DEAF1: variants seen among roughly 807,000 people sequenced by gnomAD.
DEAF1 encodes the protein deformed epidermal autoregulatory factor 1 homolog.
Under a neutral mutation model 58.9 loss-of-function variants are expected in DEAF1, and 53 were observed. The observed-to-expected ratio is 0.90, with a 90% CI of 0.72 to 1.13. The LOEUF (loss-of-function observed/expected upper bound fraction) is 1.13, where lower values mean the gene tolerates loss of function less well. DEAF1 is among the 50% of genes most tolerant of loss of function. DEAF1 has a pLI of 0.00. For missense variants in DEAF1, 685 were observed against 791.4 expected (o/e 0.87, Z 1.61); for synonymous variants, 385 against 340.4 (o/e 1.13, Z -1.44).
intron 1 of DEAF1, chr11:702,921 C>T (rs1363947732): frequency 1.3e-6 from 2 of 1,558,722 alleles, no homozygotes; most frequent in Non-Finnish European, 1.7e-6. Context: ...CACCACCTTC[C>T]CTCCCCTTTG....
chr11:689,394 G>A (rs1259304324), intron 2 of DEAF1, among the ~76,000 whole-genome samples: 3 of 146,524 alleles, frequency 2.0e-5, no homozygotes, highest in African/African-American at 7.5e-5. Context: ...TTTTTTTTTA[G>A]TAGAGATGGG....
At chr11:700,388 G>A (rs1267138675) in intron 1 of DEAF1, among the ~76,000 whole-genome samples, 4 of 151,990 alleles carry the variant, frequency 2.6e-5, no homozygotes, top group South Asian at 2.1e-4. Flanking sequence ...GTAGCCGGGC[G>A]TGGTGGTGGG....
intron 9 of DEAF1, chr11:678,452 G>A (rs746149939): frequency 1.9e-5 from 9 of 471,802 alleles, no homozygotes; most frequent in African/African-American, 4.0e-5. Flanking sequence ...TTCTAGGGGC[G>A]TGCCCTGCTG....
intron 10 of DEAF1, among the ~76,000 whole-genome samples, chr11:655,076 A>C (rs927046021): frequency 1.3e-5 from 2 of 148,394 alleles, no homozygotes; most frequent in Non-Finnish European, 3.0e-5. Flanking sequence ...AACAAACAAA[A>C]ACAAAGGGAA....
chr11:657,186 G>A (rs1369561365), intron 10 of DEAF1, among the ~76,000 whole-genome samples: 3 of 152,008 alleles, frequency 2.0e-5, no homozygotes, highest in Non-Finnish European at 4.4e-5. Flanking sequence ...TCCCTGCCTG[G>A]CACCCAGGCC....
intron 11 of DEAF1, among the ~76,000 whole-genome samples, chr11:652,720 CAA>C (rs1300325987): frequency 6.6e-6 from 1 of 151,916 alleles, no homozygotes; most frequent in Non-Finnish European, 1.5e-5. Context: ...CAACATGAAA[CAA>C]AGACATCACA....
intron 10 of DEAF1, 118 bp downstream of exon 10, chr11:674,418 G>A: frequency 1.4e-6 from 2 of 1,392,842 alleles, no homozygotes; most frequent in Non-Finnish European, 2.0e-6. Flanking sequence ...CCCTTTTCCA[G>A]AAAGGTGGGG....
chr11:671,519 G>T (rs1362450937), intron 10 of DEAF1, among the ~76,000 whole-genome samples: 1 of 151,778 alleles, frequency 6.6e-6, no homozygotes, highest in East Asian at 1.9e-4. Context: ...ACTGTGCCCA[G>T]TGAAAAAGTA....
At chr11:704,577 GC>G (rs1564965143) in intron 1 of DEAF1, 1 of 1,287,000 alleles carries the variant, frequency 7.8e-7, no homozygotes, top group Non-Finnish European at 1.0e-6. Context: ...GGAGGACCCA[GC>G]CCACAAACCA....
At chr11:686,680 C>A (rs1453591393) in intron 5 of DEAF1, among the ~76,000 whole-genome samples, 178 bp downstream of exon 5, 2 of 152,204 alleles carry the variant, frequency 1.3e-5, no homozygotes, top group Admixed American at 6.5e-5. Flanking sequence ...ACGTGAAAGA[C>A]CCGGAAACTG....
intron 7 of DEAF1, among the ~76,000 whole-genome samples, chr11:680,655 C>A (rs1327987149): frequency 1.3e-5 from 2 of 152,164 alleles, no homozygotes; most frequent in Admixed American, 6.5e-5. Context: ...TCACCAAGGA[C>A]GCCCTTGTCA....
intron 10 of DEAF1, among the ~76,000 whole-genome samples, chr11:655,442 C>G (rs1858994606): frequency 6.6e-6 from 1 of 152,278 alleles, no homozygotes; most frequent in South Asian, 2.1e-4. Context: ...CAGTTGTGAG[C>G]TCCGCCGTCA....
intron 10 of DEAF1, among the ~76,000 whole-genome samples, chr11:660,681 G>A (rs1213034428): frequency 2.0e-5 from 3 of 152,240 alleles, no homozygotes; most frequent in Non-Finnish European, 4.4e-5. Flanking sequence ...GGTCCAGTCC[G>A]GCTCTGGAAT....
intron 1 of DEAF1, chr11:700,602 C>T: frequency 1.2e-6 from 2 of 1,612,276 alleles, no homozygotes; most frequent in Non-Finnish European, 1.7e-6. Flanking sequence ...CCGTCCGCGC[C>T]TCTGCTCTTC....
At chr11:683,330 C>A (rs1860452730) in intron 6 of DEAF1, among the ~76,000 whole-genome samples, 1 of 152,104 alleles carries the variant, frequency 6.6e-6, no homozygotes, top group South Asian at 2.1e-4. Flanking sequence ...GATCGATGAC[C>A]CATTTTGAAT....
chr11:706,428 C>A (rs1861715473), intron 1 of DEAF1: 1 of 152,402 alleles, frequency 6.6e-6, no homozygotes, highest in South Asian at 2.1e-4. Flanking sequence ...GCGGCCGGGC[C>A]GAGGGCGCGG....
At chr11:678,514 G>T in intron 9 of DEAF1, 180 bp downstream of exon 9, 1 of 884,594 alleles carries the variant, frequency 1.1e-6, no homozygotes, top group Non-Finnish European at 1.8e-6. Context: ...GTGGCTGTGT[G>T]TCAGTAAAAC....
At chr11:661,261 T>C (rs11822917) in intron 10 of DEAF1, among the ~76,000 whole-genome samples, 36,529 of 152,100 alleles carry the variant, frequency 0.24, 7,173 homozygotes, top group African/African-American at 0.55. Context: ...CTGGACACTG[T>C]GCCCTTGACA....
At chr11:678,882 ATATCACGC>A (rs1262259251) in intron 8 of DEAF1, 60 bp from the exon 9 acceptor site, 7 of 1,605,500 alleles carry the variant, frequency 4.4e-6, no homozygotes, top group Non-Finnish European at 6.0e-6. Flanking sequence ...CAGACTCTAA[ATATCACGC>A]TGTATGGCTG....
Sources: gnomAD v4.1 joint callset for allele counts (sites outside exome capture counted in the v4.1 genomes callset) on GRCh38, gnomAD v4.1.1 for gene constraint, MANE v1.5 for transcripts, NCBI Gene and HGNC (gene_info 2026-07-23, HGNC 2026-07-21) for gene names.